The following ARSG variants were observed in gnomAD, a reference collection of about 807,000 sequenced individuals.
The protein encoded by ARSG is arylsulfatase G, also known as ASG.
Under a neutral mutation model 50.5 loss-of-function variants are expected in ARSG, and 37 were observed. The ratio of observed to expected loss-of-function variants is 0.73; its 90% CI spans 0.56 to 0.96. The LOEUF is 0.96. Ranked by LOEUF, ARSG falls within the 50% of genes least tolerant of loss-of-function variation. ARSG has a pLI of 0.00. For synonymous variants in ARSG, 225 were observed against 254.6 expected, an observed-to-expected ratio of 0.88 and a Z score of 1.11; for missense variants, 629 against 675.3, an observed-to-expected ratio of 0.93 and a Z score of 0.76.
chr17:68,395,203 G>A lies in ARSG; in HGVS notation c.1212+10G>A. On this transcript the variant is annotated intron_variant, in intron 10 of 11. Coordinates refer to ENST00000621439, the MANE Select transcript of ARSG (RefSeq NM_001267727.2). ...ACAGCCTGGGCACAGGGTAAGTGGA[G>A]GAGGTACTTGCCCACATGTAGGCTC... 2 of 1,613,638 alleles carry A rather than the reference G, an allele frequency of 1.2e-6. No homozygotes were observed. Among genetic ancestry groups the A allele is most frequent in the African/African-American group, 2.7e-5 (2 of 75,050 alleles).
the ARSG span, among the ~76,000 whole-genome samples, chr17:68,427,758 A>G: frequency 6.6e-6 from 1 of 152,196 alleles, no homozygotes. Flanking sequence ...TGCTCTTCCC[A>G]GTACACACAG....
chr17:68,427,351 T>C (rs1452952544), downstream of ARSG: 1 of 896,994 alleles, frequency 1.1e-6, no homozygotes, highest in Non-Finnish European at 1.8e-6. Context: ...TGTGCTCAGC[T>C]CTGTGGGTTA....
chr17:68,351,966 G>A (rs559906684), intron 5 of ARSG, among the ~76,000 whole-genome samples: 6 of 152,098 alleles, frequency 3.9e-5, no homozygotes, highest in Non-Finnish European at 8.8e-5. Flanking sequence ...TCTCACACAT[G>A]TGGGGCCTCC....
At chr17:68,398,043 A>C (rs1390781795) in intron 10 of ARSG, among the ~76,000 whole-genome samples, 1 of 152,236 alleles carries the variant, frequency 6.6e-6, no homozygotes, top group Non-Finnish European at 1.5e-5. Context: ...CTGGGATTAC[A>C]GGCGTGAGCC....
chr17:68,268,307 A>T (rs2075217599), intron 1 of ARSG: 1 of 152,606 alleles, frequency 6.6e-6, no homozygotes, highest in Non-Finnish European at 1.5e-5. Flanking sequence ...ATTTCTGTAT[A>T]ACTAAAAGCA....
At position 68,312,825 on chromosome 17, in the gene ARSG, T is replaced by C. The variant is rs546738333; in HGVS notation, c.218+5114T>C. 2.6e-5 allele frequency among the ~76,000 whole-genome samples: 4 copies of C among 152,284 alleles called. No individual in the cohort carries two copies. In the South Asian group the frequency reaches 8.3e-4, roughly 32 times the overall value. ...AACCATGACTTTCAGACACGAACTC[T>C]TATTGCCCAACAGGGTCTGGGGTGA... On this transcript the variant is annotated intron_variant, in intron 2 of 11. Transcript: ENST00000621439.
At chr17:68,388,393 C>A (rs1466528496) in intron 9 of ARSG, among the ~76,000 whole-genome samples, 1 of 152,016 alleles carries the variant, frequency 6.6e-6, no homozygotes, top group African/African-American at 2.4e-5. Flanking sequence ...CTAAGTTGTA[C>A]AATTAAAACG....
At chr17:68,433,777 T>TTGTTTTTG in the ARSG span, among the ~76,000 whole-genome samples, 1 of 63,656 alleles carries the variant, frequency 1.6e-5, no homozygotes, top group African/African-American at 4.9e-5. Context: ...TTTTTTTTTT[T>TTGTTTTTG]TTTTTTTTTT....
chr17:68,311,246 T>C lies in ARSG; in HGVS notation c.218+3535T>C, dbSNP rs73998080. ...GGTCTTTGGATGAGCCCTCCCTTCA[T>C]CTGTGTGATGGGTTCATCCTGGTGC... is the stretch of plus-strand genomic sequence containing the variant. On this transcript the variant is annotated intron_variant, in intron 2 of 11. Transcript: ENST00000621439. Among the ~76,000 whole-genome samples, 1,513 of 152,272 alleles carry C rather than the reference T, an allele frequency of 9.9e-3. 21 individuals carry two copies. Among genetic ancestry groups the C allele is most frequent in the African/African-American group, 0.035 (1,438 of 41,550 alleles).
chr17:68,412,103 GCATTTAGTC>G (rs2082035062), intron 11 of ARSG, among the ~76,000 whole-genome samples: 1 of 152,194 alleles, frequency 6.6e-6, no homozygotes, highest in Admixed American at 6.5e-5. Context: ...TTTAATTGGA[GCATTTAGTC>G]CATTTACATT....
At chr17:68,389,712 C>T (rs962595738) in intron 9 of ARSG, among the ~76,000 whole-genome samples, 6 of 152,166 alleles carry the variant, frequency 3.9e-5, no homozygotes, top group East Asian at 3.9e-4. Flanking sequence ...CCAATCCATC[C>T]CCAAGCAAAC....
At chr17:68,397,720 CATA>C (rs1388129389) in intron 10 of ARSG, among the ~76,000 whole-genome samples, 1 of 152,052 alleles carries the variant, frequency 6.6e-6, no homozygotes, top group African/African-American at 2.4e-5. Context: ...CGTGTGCATG[CATA>C]TTCTAGACGT....
upstream of ARSG, among the ~76,000 whole-genome samples, chr17:68,290,397 G>C (rs1401406199): frequency 6.6e-6 from 1 of 152,234 alleles, no homozygotes; most frequent in Non-Finnish European, 1.5e-5. Flanking sequence ...ATCTTCCCTT[G>C]CTACGGAACT....
chr17:68,275,077 G>A (rs1338977664), intron 1 of ARSG, among the ~76,000 whole-genome samples: 1 of 152,196 alleles, frequency 6.6e-6, no homozygotes, highest in Non-Finnish European at 1.5e-5. Flanking sequence ...ACCGCGCCCA[G>A]CCTAGTTAGT....
rs1409274145 is a variant in ARSG, at chr17:68,366,675, GTA to G, written c.705-1871_705-1870del. ...ATTTGAAATGTGGCTAGGAATTTAT[GTA>G]TGTGTGTGTGTGTGTGTGTGTGTGT... On this transcript the variant is annotated intron_variant, in intron 6 of 11. Transcript: ENST00000621439. Among the ~76,000 whole-genome samples the G allele has an allele frequency of 2.8e-3, 390 of 137,922 alleles. 1 individual carries two copies. The highest frequency in any genetic ancestry group is 9.8e-3 in the African/African-American group (368 of 37,446). 90.5% of individuals were successfully genotyped at this position (137,922 alleles called of 152,430 possible).
intron 2 of ARSG, among the ~76,000 whole-genome samples, chr17:68,335,047 AG>A (rs1273606675): frequency 1.3e-5 from 2 of 152,012 alleles, no homozygotes; most frequent in African/African-American, 4.8e-5. Context: ...CCCAGGTTGG[AG>A]TGCAGTGGTG....
Position 68,401,451 on chromosome 17 carries a change from G to A in ARSG, c.1303+1G>A. On this transcript the variant is annotated splice_donor_variant, in intron 11 of 11. Coordinates refer to ENST00000621439, the MANE Select transcript of ARSG (RefSeq NM_001267727.2). LOFTEE classifies it high-confidence loss of function. ...CGTTACAAGGCCTTCTACATTACCG[G>A]TGAGTGAGGGGCCACTTAGCCCTGC... 1 of 1,613,610 alleles carries A rather than the reference G, an allele frequency of 6.2e-7. No homozygotes were observed. Among genetic ancestry groups the A allele is most frequent in the Non-Finnish European group, 8.5e-7 (1 of 1,179,632 alleles).
chr17:68,450,644 G>T, the ARSG span: 1 of 1,491,794 alleles, frequency 6.7e-7, no homozygotes, highest in Non-Finnish European at 9.0e-7. Flanking sequence ...TTGTTTTACA[G>T]ACATTGATCT....
intron 1 of ARSG, among the ~76,000 whole-genome samples, chr17:68,292,875 G>T (rs1284666174): frequency 6.6e-6 from 1 of 152,180 alleles, no homozygotes; most frequent in Non-Finnish European, 1.5e-5. Context: ...CAACCTTGTA[G>T]GCGTAATTTA....
Sources: gnomAD v4.1 joint callset for allele counts (sites outside exome capture counted in the v4.1 genomes callset) on GRCh38, gnomAD v4.1.1 for gene constraint, MANE v1.5 for transcripts, NCBI Gene and HGNC (gene_info 2026-07-23, HGNC 2026-07-21) for gene names.